The following MCPH1 variants were observed in gnomAD, a reference collection of about 807,000 sequenced individuals.
The protein encoded by MCPH1 is microcephalin.
A neutral mutation model predicts 84.5 loss-of-function variants in MCPH1; 104 were observed. The observed-to-expected ratio is 1.23, with a 90% CI of 1.05 to 1.45. The LOEUF is 1.45. Among genes scored for constraint, MCPH1 ranks in the 40% most tolerant of loss-of-function variants. MCPH1 has a pLI of 0.00. For missense variants in MCPH1, 1,498 were observed against 1,005.7 expected (o/e 1.49, Z -6.62); for synonymous variants, 514 against 366.8 (o/e 1.40, Z -4.58).
chr8:6,584,683 C>A (rs191107485), intron 12 of MCPH1, among the ~76,000 whole-genome samples: 1 of 152,202 alleles, frequency 6.6e-6, no homozygotes, highest in Admixed American at 6.5e-5. Flanking sequence ...TGACAATATA[C>A]AAAGCAGTTT....
At chr8:6,627,358 C>T (rs1796814727) in intron 13 of MCPH1, 1 of 914,180 alleles carries the variant, frequency 1.1e-6, no homozygotes, top group African/African-American at 1.8e-5. Context: ...CTGCCCCCTT[C>T]CAGCCCCTCT....
intron 1 of MCPH1, among the ~76,000 whole-genome samples, 182 bp from the exon 2 acceptor site, chr8:6,409,097 G>C (rs142468750): frequency 6.6e-6 from 1 of 152,030 alleles, no homozygotes; most frequent in Non-Finnish European, 1.5e-5. Flanking sequence ...ATGTTGGCCC[G>C]GCTGGTCTCA....
rs1026465126 is a variant in MCPH1 at position 6,571,361 on chromosome 8, T to C, written c.2215-50093T>C. On this transcript the variant is annotated intron_variant, in intron 12 of 13. Transcript: ENST00000344683. ...TTTGACAAACACCATATTTCATTAG[T>C]GGCTTTGAGGTGGGCTTATTTGTTA... 6.6e-5 allele frequency among the ~76,000 whole-genome samples: 10 copies of C among 152,350 alleles called. 1 individual carries two copies. Among genetic ancestry groups the C allele is most frequent in the African/African-American group, 2.2e-4 (9 of 41,588 alleles).
chr8:6,454,701 A>T (rs1805491672), intron 8 of MCPH1, among the ~76,000 whole-genome samples: 1 of 152,194 alleles, frequency 6.6e-6, no homozygotes. Context: ...TGTAGGTTGA[A>T]GCCTGAAGCT....
intron 4 of MCPH1, among the ~76,000 whole-genome samples, chr8:6,434,700 G>A (rs1216086782): frequency 6.6e-6 from 1 of 152,182 alleles, no homozygotes; most frequent in Admixed American, 6.5e-5. Context: ...CATTAGCCTT[G>A]AGTAGCTAAA....
At chr8:6,625,940 T>G in intron 13 of MCPH1, 1 of 974,768 alleles carries the variant, frequency 1.0e-6, no homozygotes, top group Non-Finnish European at 1.2e-6. Flanking sequence ...TTCTTTTCCT[T>G]TCTTTATTAT....
chr8:6,622,842 CTTTTA>C (rs1434296664), intron 13 of MCPH1, among the ~76,000 whole-genome samples: 1 of 151,094 alleles, frequency 6.6e-6, no homozygotes, highest in Non-Finnish European at 1.5e-5. Context: ...CTTTTATTTG[CTTTTA>C]TTTATTTTTT....
At chr8:6,493,465 T>C (rs1490979081) in intron 11 of MCPH1, among the ~76,000 whole-genome samples, 2 of 152,232 alleles carry the variant, frequency 1.3e-5, no homozygotes, top group Non-Finnish European at 2.9e-5. Flanking sequence ...AAAAGGGAAA[T>C]GGGTTCTTAA....
chr8:6,508,407 T>G (rs1814224935), intron 12 of MCPH1: 1 of 156,584 alleles, frequency 6.4e-6, no homozygotes, highest in Non-Finnish European at 1.4e-5. Flanking sequence ...GCGATCACAC[T>G]CCCTTCTGGA....
rs777854463 is a variant in MCPH1 at position 6,493,825 on chromosome 8, T to G, written c.2137-6027T>G. Among the ~76,000 whole-genome samples, 49 of 152,342 alleles carry G rather than the reference T, an allele frequency of 3.2e-4. 1 individual carries two copies. Among genetic ancestry groups the G allele is most frequent in the Non-Finnish European group, 4.1e-4 (28 of 68,034 alleles). The stretch of plus-strand genomic sequence containing the variant: ...GAACATTTAGAGATGCGGAGCTACT[T>G]TGTCAGTGTTTTACACATCGTCAAG... On this transcript the variant is annotated intron_variant, in intron 11 of 13. Coordinates refer to ENST00000344683, the MANE Select transcript of MCPH1 (RefSeq NM_024596.5).
At chr8:6,626,002 C>G (rs951602841) in intron 13 of MCPH1, 12 of 985,192 alleles carry the variant, frequency 1.2e-5, no homozygotes, top group African/African-American at 1.7e-5. Context: ...ACTGAAACGA[C>G]AGCTCTTCCC....
At chr8:6,436,511 A>G (rs1229963447) in intron 5 of MCPH1, among the ~76,000 whole-genome samples, 3 of 152,070 alleles carry the variant, frequency 2.0e-5, no homozygotes, top group African/African-American at 7.2e-5. Context: ...TTTTTACCTA[A>G]TTGGCATTTT....
At chr8:6,529,370 A>G (rs1230478459) in intron 12 of MCPH1, among the ~76,000 whole-genome samples, 3 of 152,148 alleles carry the variant, frequency 2.0e-5, no homozygotes, top group African/African-American at 7.2e-5. Flanking sequence ...TCACAAAATC[A>G]GTAACTGCTC....
rs115634554 is a variant in MCPH1, at chr8:6,530,237, G to A, written c.2214+30308G>A. Among the ~76,000 whole-genome samples, 625 of 152,164 alleles carry A rather than the reference G, an allele frequency of 4.1e-3. 5 individuals carry two copies. Among genetic ancestry groups the A allele is most frequent in the African/African-American group, 0.014 (576 of 41,512 alleles). ...TTGAAAGTAATGGTGGCCAGGTACG[G>A]TGGCTCACGCCTGTGATCCCAGCAG... On this transcript the variant is annotated intron_variant, in intron 12 of 13. Transcript: ENST00000344683.
In MCPH1 at chr8:6,432,028, G is replaced by A. The variant is rs560998860; in HGVS notation, c.321+442G>A. The stretch of plus-strand genomic sequence containing the variant: ...CAGTTGTCCTTCATTATCCACAGAG[G>A]ATCAGTTCCGGGACCCCCACAGATA... On this transcript the variant is annotated intron_variant, in intron 4 of 13. Coordinates refer to ENST00000344683, the MANE Select transcript of MCPH1 (RefSeq NM_024596.5). Among the ~76,000 whole-genome samples, 6 of 152,316 alleles carry A rather than the reference G, an allele frequency of 3.9e-5. No individual in the cohort carries two copies. In the East Asian group the frequency reaches 1.2e-3, roughly 29 times the overall value.
rs370091840 is a variant in MCPH1, at chr8:6,636,176, TAAAAATTAC to T, written c.2453-6809_2453-6801del. On this transcript the variant is annotated intron_variant, in intron 13 of 13. Coordinates refer to ENST00000344683, the MANE Select transcript of MCPH1 (RefSeq NM_024596.5). ...CAACATGGCAAAACCCCATCTCTAC[TAAAAATTAC>T]AAAAATTAGCCGGGCGTGATGGCAC... Among the ~76,000 whole-genome samples, 41 of 152,046 alleles carry T rather than the reference TAAAAATTAC, an allele frequency of 2.7e-4. No homozygotes were observed. In the East Asian group the frequency reaches 7.6e-3, roughly 28 times the overall value.
intron 12 of MCPH1, among the ~76,000 whole-genome samples, chr8:6,526,114 A>T (rs1406757868): frequency 1.3e-5 from 2 of 152,104 alleles, no homozygotes; most frequent in Non-Finnish European, 2.9e-5. Context: ...AACATTACTA[A>T]GTAAGACTAT....
At position 6,444,550 on chromosome 8, in the gene MCPH1, A is replaced by G; in HGVS notation, c.828A>G (p.Ser276=). 2 of 1,614,218 alleles carry G rather than the reference A, an allele frequency of 1.2e-6. No homozygotes were observed. Among genetic ancestry groups the G allele is most frequent in the Non-Finnish European group, 1.7e-6 (2 of 1,180,026 alleles). ...SLVLKANNIH[S]SPSFTHLDKS... is the part of the protein sequence containing the mutation. ...TATTGAAAGCAAATAATATTCATTC[A>G]TCACCATCTTTCACTCACCTCGATA... Residue 276 remains serine (S), a synonymous_variant, in exon 8 of 14, where the codon TCA becomes TCG. Transcript: ENST00000344683.
chr8:6,630,711 G>A (rs1461018396), intron 13 of MCPH1, among the ~76,000 whole-genome samples: 1 of 151,224 alleles, frequency 6.6e-6, no homozygotes, highest in African/African-American at 2.4e-5. Context: ...AACCTGGGAG[G>A]TGGAGGTTGC....
Sources: allele counts gnomAD v4.1 joint callset (sites outside exome capture counted in the v4.1 genomes callset), GRCh38; gene constraint gnomAD v4.1.1; transcripts MANE v1.5; gene names NCBI Gene and HGNC (gene_info 2026-07-23, HGNC 2026-07-21).